MTMR11: variants seen among roughly 807,000 people sequenced by gnomAD.
MTMR11 encodes the protein myotubularin related protein 11, also known as myotubularin-related protein 11.
Under a neutral mutation model 100.0 loss-of-function variants are expected in MTMR11, and 89 were observed. That is an observed-to-expected ratio of 0.89 (90% CI 0.75 to 1.06). The LOEUF is 1.06. Among genes scored for constraint, MTMR11 ranks in the 50% least tolerant of loss-of-function variants. The pLI, the probability that MTMR11 is intolerant of heterozygous loss-of-function variation, is 0.00. For synonymous variants in MTMR11, 336 were observed against 326.3 expected (o/e 1.03, Z -0.32); for missense variants, 809 against 873.7 (o/e 0.93, Z 0.93).
In MTMR11 at chr1:149,933,618, C is replaced by T; in HGVS notation, c.852G>A (p.Glu284=). The change falls in exon 9 of 17, where the codon GAG becomes GAA. Residue 284 remains glutamate (E), a synonymous_variant. Coordinates refer to ENST00000439741, the MANE Select transcript of MTMR11 (RefSeq NM_001145862.2). ...GFYTASDPNK[E]DIRAVELMLQ... ...CATCAAGCCTCCCTCACCTGATATC[C>T]TCCTTGTTAGGGTCACTGGCTGTAT... 6.2e-7 allele frequency: 1 copy of T among 1,614,176 alleles called. No homozygotes were observed.
rs782726457 is a variant in MTMR11, at chr1:149,931,429, G to A, written c.1124-3C>T. ...ATTGAGATCACGATCACCGCGCTCTGGGTGATAAAGAGGAAGAAGGGACAA... is the reference window on the plus strand; with the variant it reads ...ATTGAGATCACGATCACCGCGCTCTAGGTGATAAAGAGGAAGAAGGGACAA... On this transcript the variant is annotated splice_region_variant and splice_polypyrimidine_tract_variant and intron_variant, in intron 12 of 16. Coordinates refer to ENST00000439741, the MANE Select transcript of MTMR11 (RefSeq NM_001145862.2). The A allele has an allele frequency of 6.3e-7, 1 of 1,580,064 alleles. No individual in the cohort carries two copies. Among genetic ancestry groups the A allele is most frequent in the Non-Finnish European group, 8.6e-7 (1 of 1,163,702 alleles).
chr1:149,931,267 C>T lies in MTMR11; in HGVS notation c.1283G>A (p.Ser428Asn), dbSNP rs916756655. The T allele has an allele frequency of 6.2e-7, 1 of 1,614,118 alleles. No individual in the cohort carries two copies. Among genetic ancestry groups the T allele is most frequent in the Non-Finnish European group, 8.5e-7 (1 of 1,180,014 alleles). Residue 428 changes from serine to asparagine, a missense_variant, in exon 13 of 17, where the codon AGT becomes AAT. Transcript: ENST00000439741. The stretch of plus-strand genomic sequence containing the variant: ...ATCCCGAATCATTCTCACCTCTTCA[C>T]TGGCCCCAGTTCCCCCAAGCCGAGT... ...FLTRLGGTGA[S>N]EEAPVFLLFL...
At chr1:149,930,992 G>A in intron 13 of MTMR11, 27 bp from the exon 14 acceptor site, 1 of 1,565,620 alleles carries the variant, frequency 6.4e-7, no homozygotes, top group Non-Finnish European at 8.6e-7. Flanking sequence ...AGGTTGGAAG[G>A]GATTATTGGG....
chr1:149,930,817 C>G lies in MTMR11; in HGVS notation c.1439G>C (p.Trp480Ser). 2 of 1,590,862 alleles carry G rather than the reference C, an allele frequency of 1.3e-6. No individual in the cohort carries two copies. Among genetic ancestry groups the G allele is most frequent in the East Asian group, 4.5e-5 (2 of 44,596 alleles). ...CTGTCCGCTCTGCTTTCCGCGCTCC[C>G]AGGGGGTATTTCTCAGGAAGGTAAG... ...DTLTFLRNTP[W>S]ERGKQSGQLN... The change falls in exon 14 of 17, where the codon TGG becomes TCG. Residue 480 changes from tryptophan (W) to serine (S), a missense_variant. By Grantham distance (177) the Trp-to-Ser change is radical (BLOSUM62 -3). Coordinates refer to ENST00000439741, the MANE Select transcript of MTMR11 (RefSeq NM_001145862.2).
intron 8 of MTMR11, 51 bp from the exon 9 acceptor site, chr1:149,933,749 G>C (rs782023336): frequency 1.2e-6 from 2 of 1,610,722 alleles, no homozygotes; most frequent in Non-Finnish European, 1.7e-6. Flanking sequence ...CTAGCTCCAC[G>C]CTACCCTTGC....
chr1:149,934,637 T>G, intron 5 of MTMR11, 111 bp from the exon 6 acceptor site: 2 of 1,177,906 alleles, frequency 1.7e-6, no homozygotes, highest in Non-Finnish European at 2.4e-6. Context: ...AGAAGAACAG[T>G]GAAGACAGTC....
Position 149,930,789 on chromosome 1 carries a change from G to A in MTMR11, c.1464+3C>T. On this transcript the variant is annotated splice_donor_region_variant and intron_variant, in intron 14 of 16. Transcript: ENST00000439741. ...ACACGAGTCAAAAATAGAAGTCACT[G>A]ACCTGTCCGCTCTGCTTTCCGCGCT... is the stretch of plus-strand genomic sequence containing the variant. The A allele has an allele frequency of 6.4e-7, 1 of 1,556,052 alleles. No homozygotes were observed. The highest frequency in any genetic ancestry group is 8.6e-7 in the Non-Finnish European group (1 of 1,156,372).
chr1:149,930,828 T>C lies in MTMR11; in HGVS notation c.1428A>G (p.Arg476=). The C allele has an allele frequency of 3.1e-6, 5 of 1,597,376 alleles. No individual in the cohort carries two copies. The highest frequency in any genetic ancestry group is 4.3e-6 in the Non-Finnish European group (5 of 1,174,640). The change falls in exon 14 of 17, where the codon AGA becomes AGG. Residue 476 remains arginine (R), a synonymous_variant. Transcript: ENST00000439741. ...GCTTTCCGCGCTCCCAGGGGGTATT[T>C]CTCAGGAAGGTAAGGGTGTCAGGAA... is the stretch of plus-strand genomic sequence containing the variant. ...VRVPDTLTFL[R]NTPWERGKQS...
rs782685623 is a variant in MTMR11 at position 149,930,899 on chromosome 1, C to A, written c.1357G>T (p.Glu453Ter). 4.3e-6 allele frequency: 7 copies of A among 1,613,108 alleles called. No homozygotes were observed. The African/African-American group carries it at 9.4e-5, about 22-fold the overall frequency. Residue 453 changes from glutamate to a stop codon, truncating the protein, a stop_gained, in exon 14 of 17, where the codon GAA becomes TAA. Coordinates refer to ENST00000439741, the MANE Select transcript of MTMR11 (RefSeq NM_001145862.2). LOFTEE classifies it high-confidence loss of function. ...GCAAGAAGGAAAAACTCAGAGAATTCAAAATCAGCTGGAAACTGCTGGAGG... is the reference window on the plus strand; with the variant it reads ...GCAAGAAGGAAAAACTCAGAGAATTAAAAATCAGCTGGAAACTGCTGGAGG... ...QLLQQFPADFEFSEFFLLALH... is the reference protein window; with the variant it reads ...QLLQQFPADF
At chr1:149,932,912 C>T (rs1189308664) in intron 10 of MTMR11, among the ~76,000 whole-genome samples, 2 of 150,394 alleles carry the variant, frequency 1.3e-5, no homozygotes, top group Non-Finnish European at 2.9e-5. Context: ...GATCACGCCA[C>T]TGCACTCCAG....
In MTMR11 at chr1:149,931,280, C is replaced by G. The variant is rs1553767571; in HGVS notation, c.1270G>C (p.Gly424Arg). 6.2e-7 allele frequency: 1 copy of G among 1,614,116 alleles called. No homozygotes were observed. The highest frequency in any genetic ancestry group is 1.7e-5 in the Admixed American group (1 of 60,022). Reference protein sequence around the residue: ...AGHPFLTRLGGTGASEEAPVF... With the variant: ...AGHPFLTRLGRTGASEEAPVF... ...CTCACCTCTTCACTGGCCCCAGTTC[C>G]CCCAAGCCGAGTCAGGAAGGGATGT... Residue 424 changes from glycine (G) to arginine (R), a missense_variant, in exon 13 of 17, where the codon GGA becomes CGA. By Grantham distance (125) the Gly-to-Arg change is moderately radical. Transcript: ENST00000439741.
intron 12 of MTMR11, 27 bp from the exon 13 acceptor site, chr1:149,931,453 A>C: frequency 1.3e-6 from 2 of 1,552,628 alleles, no homozygotes; most frequent in East Asian, 4.6e-5. Flanking sequence ...AAGAAGGGAC[A>C]AAGAAGAGGG....
In MTMR11 at chr1:149,928,731, G is replaced by T; in HGVS notation, c.*398C>A. 1.2e-6 allele frequency: 1 copy of T among 827,156 alleles called. No homozygotes were observed. Among genetic ancestry groups the T allele is most frequent in the Non-Finnish European group, 2.0e-6 (1 of 506,312 alleles). 51.2% of individuals were successfully genotyped at this position (827,156 alleles called of 1,614,324 possible). ...ATACAGAGGAGATAGGGTGTTTCCT[G>T]TATCCGCCTCATTCCCATAGAAAAC... is the stretch of plus-strand genomic sequence containing the variant. On this transcript the variant is annotated 3_prime_UTR_variant, in exon 17 of 17. Coordinates refer to ENST00000439741, the MANE Select transcript of MTMR11 (RefSeq NM_001145862.2).
intron 10 of MTMR11, 148 bp from the exon 11 acceptor site, chr1:149,932,478 G>T (rs2092672220): frequency 1.5e-6 from 1 of 658,824 alleles, no homozygotes. Flanking sequence ...GGTGATGGTT[G>T]TACAACATTG....
chr1:149,929,367 C>G (rs782321136), intron 16 of MTMR11, 50 bp from the exon 17 acceptor site: 216 of 1,496,002 alleles, frequency 1.4e-4, no homozygotes, highest in Non-Finnish European at 2.0e-4. Flanking sequence ...GTAGCTCTGG[C>G]CCCCTGCTTC....
Position 149,934,513 on chromosome 1 carries a change from A to G in MTMR11, c.482T>C (p.Ile161Thr). Reference sequence around the variant, plus strand: ...ATTGCTCTGAGCTCTGGCTTGGACAATGGCCATGGTCACCTGCAGAGGAAA... The same window carrying G: ...ATTGCTCTGAGCTCTGGCTTGGACAGTGGCCATGGTCACCTGCAGAGGAAA... ...EPQAFQVTMAIVQARAQSNQA... is the reference protein window; with the variant it reads ...EPQAFQVTMATVQARAQSNQA... The change falls in exon 6 of 17, where the codon ATT becomes ACT. Residue 161 changes from isoleucine (I) to threonine (T), a missense_variant. By Grantham distance (89) the Ile-to-Thr change is moderately conservative (BLOSUM62 -1). Transcript: ENST00000439741. 5 of 1,614,196 alleles carry G rather than the reference A, an allele frequency of 3.1e-6. No homozygotes were observed. The highest frequency in any genetic ancestry group is 3.4e-6 in the Non-Finnish European group (4 of 1,180,018).
At chr1:149,933,268 CAAGAAAA>C (rs1311926739) in intron 10 of MTMR11, 131 bp downstream of exon 10, 2 of 1,292,988 alleles carry the variant, frequency 1.5e-6, no homozygotes, top group African/African-American at 3.0e-5. Flanking sequence ...GACTCCGTCT[CAAGAAAA>C]AAGAAAAGAA....
At chr1:149,933,313 G>A in intron 10 of MTMR11, 93 bp downstream of exon 10, 7 of 1,494,000 alleles carry the variant, frequency 4.7e-6, no homozygotes, top group Non-Finnish European at 6.4e-6. Flanking sequence ...GGACTAAAGA[G>A]CTACTCATCT....
intron 12 of MTMR11, 123 bp downstream of exon 12, chr1:149,931,821 C>T (rs1301238982): frequency 2.1e-5 from 17 of 826,686 alleles, no homozygotes; most frequent in Non-Finnish European, 3.2e-5. Context: ...GAGTAGAGCT[C>T]GCAGGTAGTT....
Sources: allele counts gnomAD v4.1 joint callset (sites outside exome capture counted in the v4.1 genomes callset), GRCh38; gene constraint gnomAD v4.1.1; transcripts MANE v1.5; gene names NCBI Gene and HGNC (gene_info 2026-07-23, HGNC 2026-07-21).